MSN: variants seen among roughly 807,000 people sequenced by gnomAD.
MSN encodes the protein epididymis luminal protein 70.
MSN carries 2 observed loss-of-function variants against 48.0 expected under a neutral mutation model. The ratio of observed to expected loss-of-function variants is 0.04; its 90% confidence interval spans 0.02 to 0.13. MSN has a LOEUF of 0.13. Ranked by LOEUF, MSN falls within the 10% of genes least tolerant of loss-of-function variation. MSN has a pLI of 1.00. For synonymous variants in MSN, 146 were observed against 166.9 expected (o/e 0.87, Z 0.97); for missense variants, 267 against 470.1 (o/e 0.57, Z 3.99).
chrX:65,590,871 C>T (rs779563008), intron 1 of MSN, among the ~76,000 whole-genome samples: 18 of 111,565 alleles, frequency 1.6e-4, no homozygotes, highest in Middle Eastern at 4.6e-3. Context: ...TGCCCCACAT[C>T]TGCTATACCT....
intron 1 of MSN, among the ~76,000 whole-genome samples, chrX:65,597,870 T>C (rs1210892458): frequency 8.9e-6 from 1 of 112,031 alleles, no homozygotes; most frequent in African/African-American, 3.2e-5. Flanking sequence ...AACTTCTGGC[T>C]CAGATCATTT....
chrX:65,663,855 G>A (rs182019133), upstream of MSN, among the ~76,000 whole-genome samples: 12 of 110,010 alleles, frequency 1.1e-4, no homozygotes, highest in East Asian at 2.6e-3. Context: ...TCAGGAGATC[G>A]AGACCATCCT....
chrX:65,739,014 G>A lies in MSN; in HGVS notation c.1389G>A (p.Leu463=). Reference sequence around the variant, plus strand: ...ACTTGGAGAAGACCCGTGCTGAGCTGAAGACTGCCATGAGTACACCTCATG... The same window carrying A: ...ACTTGGAGAAGACCCGTGCTGAGCTAAAGACTGCCATGAGTACACCTCATG... ...QEDLEKTRAE[L]KTAMSTPHVA... is the part of the protein sequence containing the mutation. The change falls in exon 12 of 13, where the codon CTG becomes CTA. Residue 463 remains leucine, a synonymous_variant. Coordinates refer to ENST00000360270, the MANE Select transcript of MSN (RefSeq NM_002444.3). 1 of 1,211,964 alleles carries A rather than the reference G, an allele frequency of 8.3e-7. No homozygotes were observed. Among genetic ancestry groups the A allele is most frequent in the Non-Finnish European group, 1.1e-6 (1 of 895,520 alleles).
At chrX:65,684,376 A>G (rs2071090110) in intron 1 of MSN, among the ~76,000 whole-genome samples, 1 of 111,934 alleles carries the variant, frequency 8.9e-6, no homozygotes, top group Non-Finnish European at 1.9e-5. Flanking sequence ...TAAAGTCTAC[A>G]GGGGCTCATT....
intron 2 of MSN, among the ~76,000 whole-genome samples, chrX:65,722,711 G>A (rs771257368): frequency 6.3e-5 from 7 of 111,038 alleles, no homozygotes; most frequent in African/African-American, 2.3e-4. Context: ...GAGCCACTGC[G>A]CCCGGCCATG....
intron 1 of MSN, among the ~76,000 whole-genome samples, chrX:65,603,768 A>G (rs1317194752): frequency 8.9e-6 from 1 of 111,769 alleles, no homozygotes; most frequent in Non-Finnish European, 1.9e-5. Context: ...ATCTACCATT[A>G]TGTTCAAATT....
chrX:65,663,335 G>GA (rs750276553), upstream of MSN, among the ~76,000 whole-genome samples: 18 of 106,955 alleles, frequency 1.7e-4, no homozygotes, highest in Admixed American at 4.0e-4. Flanking sequence ...ACAAATATAT[G>GA]AAAAAAAAAT....
intron 1 of MSN, among the ~76,000 whole-genome samples, chrX:65,681,253 C>T (rs948071375): frequency 3.6e-5 from 4 of 111,681 alleles, no homozygotes; most frequent in Non-Finnish European, 7.5e-5. Flanking sequence ...GTAAGAACTT[C>T]TGTTATGTTA....
At chrX:65,696,754 C>G (rs1361107091) in intron 1 of MSN, among the ~76,000 whole-genome samples, 1 of 111,428 alleles carries the variant, frequency 9.0e-6, no homozygotes, top group Non-Finnish European at 1.9e-5. Flanking sequence ...AAATTGTTAG[C>G]TGAGCTTGTG....
At chrX:65,658,332 A>G (rs1389650117) in intron 1 of MSN, among the ~76,000 whole-genome samples, 1 of 111,801 alleles carries the variant, frequency 8.9e-6, no homozygotes, top group Non-Finnish European at 1.9e-5. Context: ...AGAAGGCCTC[A>G]GAGTGTGGGG....
At chrX:65,621,624 A>C (rs1200756249) in intron 1 of MSN, among the ~76,000 whole-genome samples, 2 of 111,893 alleles carry the variant, frequency 1.8e-5, no homozygotes. Flanking sequence ...TTAGGATTAA[A>C]AAAAAATTTT....
intron 1 of MSN, among the ~76,000 whole-genome samples, chrX:65,696,696 C>A (rs2071245403): frequency 9.0e-6 from 1 of 111,378 alleles, no homozygotes; most frequent in African/African-American, 3.3e-5. Context: ...GTGCTAAAAA[C>A]CCTTGTATTA....
intron 1 of MSN, among the ~76,000 whole-genome samples, chrX:65,618,845 C>T (rs1258225510): frequency 1.8e-5 from 2 of 111,316 alleles, no homozygotes; most frequent in Non-Finnish European, 3.8e-5. Flanking sequence ...GTGGCTGGTA[C>T]CGGTTGTTCC....
rs374562415 is a variant in MSN at position 65,649,534 on chromosome X, C to G, written c.-22+60922C>G. Among the ~76,000 whole-genome samples the G allele has an allele frequency of 1.6e-4, 16 of 101,224 alleles. No homozygotes were observed. In the South Asian group the frequency reaches 6.8e-3, roughly 43 times the overall value. 87.9% of individuals were successfully genotyped at this position (101,224 alleles called of 115,157 possible). A position where few individuals can be genotyped will look rare whatever the true frequency, so the allele number is the denominator to read the frequency against. On this transcript the variant is annotated intron_variant, in intron 1 of 3. Transcript: ENST00000609672. ...GAGGTTGCAGTGAGCCGAGATCATG[C>G]CACTGTGCTCCAGCCTAGGTGACAG...
intron 1 of MSN, among the ~76,000 whole-genome samples, chrX:65,713,026 A>G (rs1319154968): frequency 9.0e-6 from 1 of 110,999 alleles, no homozygotes; most frequent in Non-Finnish European, 1.9e-5. Context: ...TCTACTTCAC[A>G]GGGTGATTAT....
intron 1 of MSN, among the ~76,000 whole-genome samples, chrX:65,670,451 G>T (rs774831844): frequency 3.1e-4 from 34 of 111,411 alleles, no homozygotes; most frequent in African/African-American, 9.5e-4. Flanking sequence ...CCAGCCGGGC[G>T]TGGTGGCTCC....
intron 1 of MSN, chrX:65,625,168 A>T (rs2070494159): frequency 8.9e-6 from 1 of 112,636 alleles, no homozygotes; most frequent in Non-Finnish European, 1.9e-5. Flanking sequence ...TAAAAAATTT[A>T]TTGGGACTTG....
intron 1 of MSN, among the ~76,000 whole-genome samples, chrX:65,611,194 G>C (rs1225736889): frequency 1.1e-5 from 1 of 92,971 alleles, no homozygotes; most frequent in Admixed American, 1.3e-4. Flanking sequence ...GAGTCTTGCT[G>C]TCTCATCCAG....
intron 1 of MSN, among the ~76,000 whole-genome samples, chrX:65,681,161 C>T (rs989104216): frequency 1.6e-4 from 18 of 111,452 alleles, no homozygotes; most frequent in Admixed American, 1.1e-3. Context: ...ATCTCCCCCC[C>T]ACTCCATGTC....
Sources: allele counts gnomAD v4.1 joint callset (sites outside exome capture counted in the v4.1 genomes callset), GRCh38; gene constraint gnomAD v4.1.1; transcripts MANE v1.5; gene names NCBI Gene and HGNC (gene_info 2026-07-23, HGNC 2026-07-21).